PCDH9: variants seen among roughly 807,000 people sequenced by gnomAD.
The protein encoded by PCDH9 is protocadherin-9.
In PCDH9, 24 loss-of-function variants were observed where a neutral mutation model predicts 70.6. The observed-to-expected ratio is 0.34, with a 90% CI of 0.25 to 0.48. PCDH9 has a LOEUF of 0.48. Ranked by LOEUF, PCDH9 falls within the 20% of genes least tolerant of loss-of-function variation. PCDH9 has a pLI of 0.99. For missense variants in PCDH9, 1,281 were observed against 1,503.6 expected (o/e 0.85, Z 2.45); for synonymous variants, 562 against 558.5 (o/e 1.01, Z -0.09).
intron 4 of PCDH9, among the ~76,000 whole-genome samples, chr13:66,512,809 TTTC>T (rs748576337): frequency 5.3e-5 from 8 of 152,086 alleles, no homozygotes; most frequent in Non-Finnish European, 1.0e-4. Flanking sequence ...CTTTTCTTTC[TTTC>T]TTTTTTTGTT....
At chr13:66,481,381 T>C (rs1352570065) in intron 4 of PCDH9, among the ~76,000 whole-genome samples, 1 of 151,726 alleles carries the variant, frequency 6.6e-6, no homozygotes, top group Non-Finnish European at 1.5e-5. Flanking sequence ...GCCATCAACA[T>C]TGAGGCAGTA....
chr13:66,310,834 C>T (rs1358588659), intron 4 of PCDH9, among the ~76,000 whole-genome samples: 1 of 152,016 alleles, frequency 6.6e-6, no homozygotes, highest in Non-Finnish European at 1.5e-5. Context: ...TTATTATAGG[C>T]AAATTCCTCT....
intron 3 of PCDH9, among the ~76,000 whole-genome samples, chr13:66,894,769 C>T (rs184762468): frequency 6.6e-6 from 1 of 152,076 alleles, no homozygotes; most frequent in Admixed American, 6.6e-5. Context: ...TGTAAAACCT[C>T]TAATATATAC....
intron 4 of PCDH9, among the ~76,000 whole-genome samples, chr13:66,339,791 A>T (rs557180731): frequency 1.1e-4 from 16 of 152,238 alleles, no homozygotes; most frequent in African/African-American, 3.4e-4. Context: ...GGCACTTTTT[A>T]AAAAAGGGAA....
intron 4 of PCDH9, among the ~76,000 whole-genome samples, chr13:66,342,315 C>A: frequency 6.6e-6 from 1 of 152,138 alleles, no homozygotes; most frequent in East Asian, 1.9e-4. Flanking sequence ...TAATAAAACA[C>A]AACAACTTGC....
intron 2 of PCDH9, chr13:67,223,719 A>G (rs942325603): frequency 2.0e-5 from 3 of 152,076 alleles, no homozygotes; most frequent in Non-Finnish European, 1.5e-5. Flanking sequence ...CACAAAAATT[A>G]AGTCGTTCTA....
intron 4 of PCDH9, among the ~76,000 whole-genome samples, chr13:66,507,252 C>T (rs1181896353): frequency 6.6e-6 from 1 of 152,170 alleles, no homozygotes; most frequent in Admixed American, 6.5e-5. Context: ...TATTCATTCA[C>T]GGGCTGCATT....
intron 4 of PCDH9, among the ~76,000 whole-genome samples, chr13:66,612,406 T>C (rs2077303948): frequency 6.6e-6 from 1 of 152,178 alleles, no homozygotes; most frequent in African/African-American, 2.4e-5. Context: ...GCATTTACAG[T>C]GTTAAATATA....
intron 2 of PCDH9, among the ~76,000 whole-genome samples, chr13:67,005,338 G>T (rs1194115705): frequency 6.6e-6 from 1 of 151,966 alleles, no homozygotes; most frequent in Non-Finnish European, 1.5e-5. Flanking sequence ...TTAAATAATT[G>T]GCCACTCATT....
intron 3 of PCDH9, among the ~76,000 whole-genome samples, chr13:66,884,028 G>A (rs1366081491): frequency 1.3e-5 from 2 of 150,048 alleles, no homozygotes; most frequent in African/African-American, 2.5e-5. Flanking sequence ...TCAGCCTCCT[G>A]AGTAGCTGGC....
At chr13:66,550,183 TG>T (rs1343243989) in intron 4 of PCDH9, among the ~76,000 whole-genome samples, 2 of 152,144 alleles carry the variant, frequency 1.3e-5, no homozygotes, top group East Asian at 3.9e-4. Flanking sequence ...TAATGTTGGT[TG>T]ATTTGCGTTT....
chr13:66,449,030 A>G (rs1463432652), intron 4 of PCDH9, among the ~76,000 whole-genome samples: 1 of 152,212 alleles, frequency 6.6e-6, no homozygotes, highest in African/African-American at 2.4e-5. Flanking sequence ...GAAATTGAAT[A>G]GTTTAGACAG....
At position 67,226,586 on chromosome 13, in the gene PCDH9, C is replaced by G; in HGVS notation, c.1855G>C (p.Val619Leu). The G allele has an allele frequency of 6.2e-7, 1 of 1,614,020 alleles. No homozygotes were observed. The highest frequency in any genetic ancestry group is 1.1e-5 in the South Asian group (1 of 91,078). ...LSILNDNDNF[V>L]LDPYSGVIKS... ...ATGACTCCAGAATAGGGATCCAACACAAAATTATCATTGTCATTTAGAATG... is the reference window on the plus strand; with the variant it reads ...ATGACTCCAGAATAGGGATCCAACAGAAAATTATCATTGTCATTTAGAATG... Residue 619 changes from valine to leucine, a missense_variant, in exon 2 of 5, where the codon GTG becomes CTG. Coordinates refer to ENST00000377865, the MANE Select transcript of PCDH9 (RefSeq NM_203487.3). This position sits in a 1 kb window ranked among gnomAD's most constrained non-coding sequence, Gnocchi z 5.0.
chr13:66,848,486 T>C (rs2081251100), intron 3 of PCDH9, among the ~76,000 whole-genome samples: 1 of 152,208 alleles, frequency 6.6e-6, no homozygotes, highest in African/African-American at 2.4e-5. Flanking sequence ...TATAATTTAA[T>C]TGGTTTAATG....
intron 3 of PCDH9, among the ~76,000 whole-genome samples, chr13:66,687,832 G>A (rs1566506556): frequency 6.6e-6 from 1 of 152,006 alleles, no homozygotes. Context: ...ATTTTGTACT[G>A]TAAGATTACC....
intron 4 of PCDH9, among the ~76,000 whole-genome samples, chr13:66,406,003 T>C (rs1957274809): frequency 6.6e-6 from 1 of 152,176 alleles, no homozygotes. Flanking sequence ...AGTGGTTGGC[T>C]AAAATATGTT....
At chr13:66,408,454 G>A (rs1957319966) in intron 4 of PCDH9, among the ~76,000 whole-genome samples, 1 of 152,186 alleles carries the variant, frequency 6.6e-6, no homozygotes, top group African/African-American at 2.4e-5. Flanking sequence ...TCATAAACAG[G>A]AGCTAAGTAA....
intron 3 of PCDH9, among the ~76,000 whole-genome samples, chr13:66,780,889 T>G (rs2079988464): frequency 6.6e-6 from 1 of 152,176 alleles, no homozygotes; most frequent in South Asian, 2.1e-4. Flanking sequence ...ATTGTGTTTT[T>G]ATTAACCTGC....
chr13:66,894,813 AT>A (rs11386383), intron 3 of PCDH9, among the ~76,000 whole-genome samples: 597 of 145,938 alleles, frequency 4.1e-3, no homozygotes, highest in Non-Finnish European at 4.2e-3. Flanking sequence ...AATATTAAGT[AT>A]TTTTTTTTTT....
Sources: allele counts gnomAD v4.1 joint callset (sites outside exome capture counted in the v4.1 genomes callset), GRCh38; gene constraint gnomAD v4.1.1; non-coding constraint Gnocchi (gnomAD v3.1); transcripts MANE v1.5; gene names NCBI Gene and HGNC (gene_info 2026-07-23, HGNC 2026-07-21).